PIK3R3: variants seen among roughly 807,000 people sequenced by gnomAD.
PIK3R3 encodes phosphatidylinositol 3-kinase regulatory subunit gamma.
PIK3R3 carries 64 observed loss-of-function variants against 62.9 expected under a neutral mutation model. That is an observed-to-expected ratio of 1.02 (90% confidence interval 0.83 to 1.25). PIK3R3 has a LOEUF of 1.25. Among genes scored for constraint, PIK3R3 ranks in the 50% most tolerant of loss-of-function variants. PIK3R3 has a pLI of 0.00. For synonymous variants in PIK3R3, 165 were observed against 189.0 expected (o/e 0.87, Z 1.04); for missense variants, 614 against 561.6 (o/e 1.09, Z -0.94).
intron 1 of PIK3R3, among the ~76,000 whole-genome samples, chr1:46,101,984 T>TTC (rs1652730669): frequency 1.5e-5 from 2 of 135,988 alleles, no homozygotes; most frequent in Non-Finnish European, 3.2e-5. Flanking sequence ...TGTATACTTT[T>TTC]TTTTTTTTTT....
chr1:46,154,430 G>A, the PIK3R3 span, among the ~76,000 whole-genome samples: 2 of 151,998 alleles, frequency 1.3e-5, no homozygotes, highest in Non-Finnish European at 2.9e-5. Context: ...TTAACCAGAC[G>A]TGGTGGCACA....
At chr1:46,101,337 T>C (rs1044456236) in intron 1 of PIK3R3, among the ~76,000 whole-genome samples, 3 of 150,748 alleles carry the variant, frequency 2.0e-5, no homozygotes, top group African/African-American at 4.9e-5. Context: ...CTACTAAAAA[T>C]ACAAAAAAAG....
intron 1 of PIK3R3, among the ~76,000 whole-genome samples, chr1:46,109,492 G>GT (rs893621792): frequency 7.0e-4 from 105 of 150,384 alleles, no homozygotes; most frequent in South Asian, 3.0e-3. Flanking sequence ...TTTTTGTTTT[G>GT]TTTTTTTTTG....
At chr1:46,093,777 C>G (rs1341329317) in intron 1 of PIK3R3, among the ~76,000 whole-genome samples, 1 of 151,486 alleles carries the variant, frequency 6.6e-6, no homozygotes, top group Non-Finnish European at 1.5e-5. Context: ...ATCGCTTGAA[C>G]CCAGGAGGCA....
At position 46,042,053 on chromosome 1, in the gene PIK3R3, T is replaced by A. The variant is rs1571331547; in HGVS notation, c.*1620A>T. 4.5e-6 allele frequency: 1 copy of A among 222,808 alleles called. No individual in the cohort carries two copies. Among genetic ancestry groups the A allele is most frequent in the Non-Finnish European group, 9.0e-6 (1 of 111,576 alleles). The allele number at this position is 222,808 out of a possible 1,614,324, so 13.8% of individuals were successfully genotyped here. A position where few individuals can be genotyped will look rare whatever the true frequency, so the allele number is the denominator to read the frequency against. Reference sequence around the variant, plus strand: ...ACTGGCTTCTCTAGCTCAGCCAGGGTGCCTGACTGCACAGCTTTGGGTTCA... The same window carrying A: ...ACTGGCTTCTCTAGCTCAGCCAGGGAGCCTGACTGCACAGCTTTGGGTTCA... On this transcript the variant is annotated 3_prime_UTR_variant, in exon 10 of 10. Coordinates refer to ENST00000262741, the MANE Select transcript of PIK3R3 (RefSeq NM_003629.4). This position sits in a 1 kb window ranked among gnomAD's most constrained non-coding sequence, Gnocchi z 4.3.
At chr1:46,058,569 T>C (rs963898902) in intron 6 of PIK3R3, among the ~76,000 whole-genome samples, 2 of 152,244 alleles carry the variant, frequency 1.3e-5, no homozygotes, top group African/African-American at 4.8e-5. Context: ...TGCGTCAGCA[T>C]GTCCTGGATG....
intron 1 of PIK3R3, among the ~76,000 whole-genome samples, chr1:46,129,534 T>C (rs1571580254): frequency 6.6e-6 from 1 of 152,104 alleles, no homozygotes; most frequent in African/African-American, 2.4e-5. Flanking sequence ...CTCTTAACAT[T>C]ACCGTGGCTT....
At chr1:46,138,595 G>A in the PIK3R3 span, among the ~76,000 whole-genome samples, 3 of 152,352 alleles carry the variant, frequency 2.0e-5, no homozygotes, top group South Asian at 6.2e-4. Flanking sequence ...AGAAGGTCAA[G>A]GCTGCAGTGA....
At chr1:46,106,527 A>C (rs1280594551) in intron 1 of PIK3R3, among the ~76,000 whole-genome samples, 2 of 152,202 alleles carry the variant, frequency 1.3e-5, no homozygotes, top group Non-Finnish European at 2.9e-5. Context: ...TCCACTAACC[A>C]TAGTAAAAAA....
At chr1:46,139,193 G>A in the PIK3R3 span, 41 of 152,176 alleles carry the variant, frequency 2.7e-4, no homozygotes, top group Admixed American at 5.2e-4. Context: ...AGTCCCTCCC[G>A]TGGGTCAGAT....
chr1:46,136,138 T>C (rs908540574), upstream of PIK3R3, among the ~76,000 whole-genome samples: 1 of 151,554 alleles, frequency 6.6e-6, no homozygotes, highest in Non-Finnish European at 1.5e-5. Flanking sequence ...GTAGGGATTC[T>C]ACCAGCCTCA....
Position 46,061,939 on chromosome 1 carries a change from C to T in PIK3R3, c.754G>A (p.Glu252Lys). The change falls in exon 6 of 10, where the codon GAG becomes AAG. Residue 252 changes from glutamate (E) to lysine (K), a missense_variant. Coordinates refer to ENST00000262741, the MANE Select transcript of PIK3R3 (RefSeq NM_003629.4). Reference protein sequence around the residue: ...ERFRREGNEKEIERIMMNYDK... With the variant: ...ERFRREGNEKKIERIMMNYDK... Reference sequence around the variant, plus strand: ...ACTAAGTAGACTTACCGTTCAATCTCCTTTTCATTCCCCTCTCTGCGAAAT... The same window carrying T: ...ACTAAGTAGACTTACCGTTCAATCTTCTTTTCATTCCCCTCTCTGCGAAAT... 1 of 1,613,392 alleles carries T rather than the reference C, an allele frequency of 6.2e-7. No homozygotes were observed. Among genetic ancestry groups the T allele is most frequent in the Admixed American group, 1.7e-5 (1 of 60,008 alleles).
At chr1:46,110,217 T>A (rs542708531) in intron 1 of PIK3R3, among the ~76,000 whole-genome samples, 5 of 151,328 alleles carry the variant, frequency 3.3e-5, no homozygotes, top group African/African-American at 1.2e-4. Context: ...GTTCAAGTGA[T>A]TCTCCTGGCT....
upstream of PIK3R3, among the ~76,000 whole-genome samples, chr1:46,133,910 T>C (rs1655829950): frequency 6.6e-6 from 1 of 152,194 alleles, no homozygotes; most frequent in Admixed American, 6.5e-5. Flanking sequence ...TCTGTTTCCC[T>C]GACAGACCCT....
Position 46,132,559 on chromosome 1 carries a change from G to A in PIK3R3, c.-607C>T, listed in dbSNP as rs956826760. On this transcript the variant is annotated 5_prime_UTR_variant, in exon 1 of 10. Transcript: ENST00000262741. ...CCGGCCGGAGAAGTCCAGTCAGCTC[G>A]GCTTGTCTGGGCGCTCCCGCCGGGG... 2.5e-5 allele frequency: 32 copies of A among 1,279,258 alleles called. No homozygotes were observed. The highest frequency in any genetic ancestry group is 6.1e-5 in the African/African-American group (4 of 65,598). The allele number at this position is 1,279,258 out of a possible 1,614,324, so 79.2% of individuals were successfully genotyped here. A position where few individuals can be genotyped will look rare whatever the true frequency, so the allele number is the denominator to read the frequency against.
intron 3 of PIK3R3, among the ~76,000 whole-genome samples, chr1:46,071,758 G>C (rs1342709651): frequency 7.9e-6 from 1 of 127,364 alleles, no homozygotes; most frequent in African/African-American, 3.0e-5. Flanking sequence ...GAGAGAGAGA[G>C]AGCGCGCGCC....
At chr1:46,155,453 C>CA in the PIK3R3 span, among the ~76,000 whole-genome samples, 1 of 145,616 alleles carries the variant, frequency 6.9e-6, no homozygotes, top group Non-Finnish European at 1.5e-5. Flanking sequence ...TCTTTTTTTC[C>CA]TTTTTTTTTT....
the PIK3R3 span, among the ~76,000 whole-genome samples, chr1:46,139,753 C>T: frequency 1.3e-5 from 2 of 152,186 alleles, no homozygotes; most frequent in Admixed American, 1.3e-4. Flanking sequence ...GAGTATTAAC[C>T]TCACACTTCT....
chr1:46,142,778 G>A, the PIK3R3 span, among the ~76,000 whole-genome samples: 1 of 152,110 alleles, frequency 6.6e-6, no homozygotes, highest in Non-Finnish European at 1.5e-5. Context: ...AGGGTGGTGG[G>A]GATGAAGCTA....
Sources: gnomAD v4.1 joint callset for allele counts (sites outside exome capture counted in the v4.1 genomes callset) on GRCh38, gnomAD v4.1.1 for gene constraint, Gnocchi (gnomAD v3.1) non-coding constraint, MANE v1.5 for transcripts, NCBI Gene and HGNC (gene_info 2026-07-23, HGNC 2026-07-21) for gene names.